Variants in PCDHA7 observed in about 807,000 individuals in gnomAD.
PCDHA7 encodes protocadherin alpha-7.
Under a neutral mutation model 57.2 loss-of-function variants are expected in PCDHA7, and 37 were observed. The observed-to-expected ratio is 0.65, with a 90% confidence interval of 0.50 to 0.85. PCDHA7 has a LOEUF of 0.85. Ranked by LOEUF, PCDHA7 falls within the 40% of genes least tolerant of loss-of-function variation. The pLI, the probability that PCDHA7 is intolerant of heterozygous loss-of-function variation, is 0.00. For missense variants in PCDHA7, 1,188 were observed against 1,241.8 expected, an observed-to-expected ratio of 0.96 and a Z score of 0.65; for synonymous variants, 553 against 558.8, an observed-to-expected ratio of 0.99 and a Z score of 0.15.
intron 1 of PCDHA7, among the ~76,000 whole-genome samples, chr5:140,901,300 C>T (rs189786790): frequency 3.3e-5 from 5 of 152,176 alleles, no homozygotes; most frequent in African/African-American, 9.6e-5. Flanking sequence ...ACTGATGTTC[C>T]GGAGAGTTTC....
At chr5:140,927,903 C>T in intron 1 of PCDHA7, 1 of 1,614,158 alleles carries the variant, frequency 6.2e-7, no homozygotes, top group South Asian at 1.1e-5. Flanking sequence ...ACGATCATGC[C>T]CCCGAACTGG....
chr5:140,952,608 C>T (rs2153696668), intron 1 of PCDHA7, among the ~76,000 whole-genome samples: 1 of 152,282 alleles, frequency 6.6e-6, no homozygotes, highest in Non-Finnish European at 1.5e-5. Flanking sequence ...TCTAAGCTCT[C>T]CCTCATCTTC....
rs782792374 is a variant in PCDHA7, at chr5:140,869,589, T to C, written c.2355+32851T>C. The C allele has an allele frequency of 2.5e-6, 4 of 1,614,002 alleles. No individual in the cohort carries two copies. The African/African-American group carries it at 4.0e-5, about 16-fold the overall frequency. On this transcript the variant is annotated intron_variant, in intron 1 of 3. Coordinates refer to ENST00000525929, the MANE Select transcript of PCDHA7 (RefSeq NM_018910.3). ...TAGAGGGAGCTTCTGATGCTGACAT[T>C]GAAGAGAATGCTCTATTGACCTACA...
intron 3 of PCDHA7, among the ~76,000 whole-genome samples, chr5:140,989,700 C>T (rs1367211310): frequency 6.6e-6 from 1 of 152,178 alleles, no homozygotes; most frequent in East Asian, 1.9e-4. Flanking sequence ...AAAATTTTAT[C>T]TTCAGAGGCA....
intron 1 of PCDHA7, chr5:140,967,413 A>G: frequency 6.2e-7 from 1 of 1,613,218 alleles, no homozygotes; most frequent in Non-Finnish European, 8.5e-7. Context: ...AAGGGCCTAG[A>G]CCGGGAGCAG....
intron 1 of PCDHA7, chr5:140,869,122 A>G (rs1562622538): frequency 2.5e-6 from 4 of 1,607,706 alleles, no homozygotes; most frequent in Non-Finnish European, 3.4e-6. Flanking sequence ...TTTTCAGAGA[A>G]GGGGATTGGG....
intron 1 of PCDHA7, chr5:140,927,345 C>G (rs1391320223): frequency 1.2e-6 from 2 of 1,614,012 alleles, no homozygotes. Context: ...CCCAAGATGA[C>G]GACGAGGGAA....
At chr5:140,957,871 G>C (rs1312915058) in intron 1 of PCDHA7, among the ~76,000 whole-genome samples, 1 of 151,864 alleles carries the variant, frequency 6.6e-6, no homozygotes, top group African/African-American at 2.4e-5. Flanking sequence ...CCTATTTTGT[G>C]CTGAAAAGCT....
chr5:140,884,604 G>A lies in PCDHA7; in HGVS notation c.2355+47866G>A. The A allele has an allele frequency of 1.2e-6, 2 of 1,614,140 alleles. 1 individual carries two copies. Among genetic ancestry groups the A allele is most frequent in the Middle Eastern group, 3.3e-4 (2 of 6,062 alleles). On this transcript the variant is annotated intron_variant, in intron 1 of 3. Coordinates refer to ENST00000525929, the MANE Select transcript of PCDHA7 (RefSeq NM_018910.3). Reference sequence around the variant, plus strand: ...GCCTTCAGTCCCAGCCTTCCTCCTTGTCTGGGTTCTGCAGAGGGAACAGGC... The same window carrying A: ...GCCTTCAGTCCCAGCCTTCCTCCTTATCTGGGTTCTGCAGAGGGAACAGGC...
chr5:140,973,606 G>A (rs1554235444), intron 1 of PCDHA7, among the ~76,000 whole-genome samples: 1 of 152,204 alleles, frequency 6.6e-6, no homozygotes, highest in African/African-American at 2.4e-5. Flanking sequence ...TTATGGCTGA[G>A]CTCTTCTCTG....
chr5:140,844,506 G>T (rs1779414039), intron 1 of PCDHA7, among the ~76,000 whole-genome samples: 1 of 148,856 alleles, frequency 6.7e-6, no homozygotes, highest in South Asian at 2.1e-4. Context: ...CTTTATTCTT[G>T]CAAGTATCTT....
At chr5:140,959,719 A>G (rs986383146) in intron 1 of PCDHA7, among the ~76,000 whole-genome samples, 4 of 152,366 alleles carry the variant, frequency 2.6e-5, no homozygotes, top group African/African-American at 9.6e-5. Context: ...AAATTTTTAG[A>G]TAACATTATC....
At chr5:141,006,403 C>T (rs2098271999) in intron 3 of PCDHA7, among the ~76,000 whole-genome samples, 1 of 151,934 alleles carries the variant, frequency 6.6e-6, no homozygotes, top group Non-Finnish European at 1.5e-5. Context: ...TTAGTAGAGA[C>T]GCGGTTTCAC....
intron 1 of PCDHA7, among the ~76,000 whole-genome samples, chr5:140,921,801 A>T (rs1450383901): frequency 6.6e-6 from 1 of 152,286 alleles, no homozygotes. Context: ...ATAACACAAG[A>T]TAAGATACAT....
intron 1 of PCDHA7, among the ~76,000 whole-genome samples, chr5:140,944,993 G>A (rs529303280): frequency 6.6e-5 from 10 of 152,054 alleles, no homozygotes; most frequent in African/African-American, 2.2e-4. Context: ...CTTCTGTAAC[G>A]GTTGTGGGTC....
chr5:140,874,590 T>C (rs1345853316), intron 1 of PCDHA7, among the ~76,000 whole-genome samples: 11 of 152,248 alleles, frequency 7.2e-5, no homozygotes, highest in Non-Finnish European at 1.5e-4. Flanking sequence ...TTTGGGATAG[T>C]GTGAAATTTG....
intron 1 of PCDHA7, chr5:140,882,018 A>G (rs2058907575): frequency 1.8e-6 from 1 of 559,242 alleles, no homozygotes; most frequent in South Asian, 4.1e-5. Flanking sequence ...AAAATACTAC[A>G]TCAATGGAAA....
At chr5:140,883,040 G>A (rs994931084) in intron 1 of PCDHA7, 1 of 1,614,062 alleles carries the variant, frequency 6.2e-7, no homozygotes, top group Non-Finnish European at 8.5e-7. Flanking sequence ...CGCCTTCAAT[G>A]GAACATTAGT....
intron 1 of PCDHA7, chr5:140,869,581 G>A: frequency 1.9e-6 from 3 of 1,614,134 alleles, no homozygotes; most frequent in East Asian, 2.2e-5. Flanking sequence ...AGCTTCTGAT[G>A]CTGACATTGA....
Sources: allele counts gnomAD v4.1 joint callset (sites outside exome capture counted in the v4.1 genomes callset), GRCh38; gene constraint gnomAD v4.1.1; transcripts MANE v1.5; gene names NCBI Gene and HGNC (gene_info 2026-07-23, HGNC 2026-07-21).